The following CEP350 variants were observed in gnomAD, a reference collection of about 807,000 sequenced individuals.
CEP350 encodes centrosome-associated protein 350.
A neutral mutation model predicts 331.8 loss-of-function variants in CEP350; 126 were observed. The observed-to-expected ratio is 0.38, with a 90% confidence interval of 0.33 to 0.44. CEP350 has a LOEUF of 0.44. Among genes scored for constraint, CEP350 ranks in the 20% least tolerant of loss-of-function variants. The pLI is 1.00. For missense variants in CEP350, 3,406 were observed against 3,634.6 expected (o/e 0.94, Z 1.62); for synonymous variants, 1,200 against 1,259.5 (o/e 0.95, Z 1.00).
intron 32 of CEP350, among the ~76,000 whole-genome samples, chr1:180,088,238 G>A (rs1384690923): frequency 1.3e-5 from 2 of 152,116 alleles, no homozygotes; most frequent in Non-Finnish European, 2.9e-5. Context: ...TGCAAGCGAT[G>A]TAATAGTATG....
chr1:179,958,820 A>C (rs548859091), intron 1 of CEP350, among the ~76,000 whole-genome samples: 4 of 152,358 alleles, frequency 2.6e-5, no homozygotes, highest in South Asian at 4.1e-4. Context: ...AAGTGAAAAA[A>C]TAAGTTGCAC....
intron 22 of CEP350, chr1:180,052,190 G>A: frequency 6.6e-6 from 3 of 453,914 alleles, no homozygotes; most frequent in Admixed American, 2.4e-5. Flanking sequence ...GACAACTAGT[G>A]CCTACAAATT....
Position 179,991,707 on chromosome 1 carries a change from GTATATATA to G in CEP350, c.236-344_236-337del, listed in dbSNP as rs756278179. Among the ~76,000 whole-genome samples the G allele has an allele frequency of 2.1e-3, 201 of 96,966 alleles. 2 individuals carry two copies. The highest frequency in any genetic ancestry group is 7.2e-3 in the African/African-American group (188 of 26,276). The allele number at this position is 96,966 out of a possible 152,430, so 63.6% of individuals were successfully genotyped here. A position where few individuals can be genotyped will look rare whatever the true frequency, so the allele number is the denominator to read the frequency against. On this transcript the variant is annotated intron_variant, in intron 4 of 37. Transcript: ENST00000367607. ...TGTGTGTGTGTGTGTGTGTGTGTGT[GTATATATA>G]TATATATATACATTTTTTTTTAACC...
intron 1 of CEP350, among the ~76,000 whole-genome samples, chr1:179,982,654 A>G (rs1479521910): frequency 6.6e-6 from 1 of 152,152 alleles, no homozygotes; most frequent in East Asian, 1.9e-4. Flanking sequence ...TTCAGCACTT[A>G]TTTTAGTTTT....
Position 180,092,892 on chromosome 1 carries a change from T to A in CEP350, c.6787T>A (p.Tyr2263Asn), listed in dbSNP as rs765094355. 9 of 1,569,192 alleles carry A rather than the reference T, an allele frequency of 5.7e-6. 1 individual carries two copies. In the South Asian group the frequency reaches 1.1e-4, roughly 18 times the overall value. The change falls in exon 34 of 38, where the codon TAT (tyrosine) becomes AAT (asparagine). Residue 2263 changes from tyrosine (Y) to asparagine (N), a missense_variant. By Grantham distance (143) the Tyr-to-Asn change is moderately radical. Coordinates refer to ENST00000367607, the MANE Select transcript of CEP350 (RefSeq NM_014810.5). ...SKKSEIKEIEYTKLKKSKIED... is the reference protein window; with the variant it reads ...SKKSEIKEIENTKLKKSKIED... Reference sequence around the variant, plus strand: ...AAAATCAGAAATAAAAGAAATAGAGTATACAAAATTGAAGAAGAGTAAGAT... The same window carrying A: ...AAAATCAGAAATAAAAGAAATAGAGAATACAAAATTGAAGAAGAGTAAGAT...
At chr1:180,092,058 G>A (rs941702174) in intron 33 of CEP350, among the ~76,000 whole-genome samples, 1 of 146,222 alleles carries the variant, frequency 6.8e-6, no homozygotes, top group Non-Finnish European at 1.5e-5. Flanking sequence ...AAAAAAAAAC[G>A]ATTTGAATTT....
Position 180,043,197 on chromosome 1 carries a change from A to G in CEP350, c.4499+5A>G. 1 of 1,604,548 alleles carries G rather than the reference A, an allele frequency of 6.2e-7. No individual in the cohort carries two copies. The highest frequency in any genetic ancestry group is 8.5e-7 in the Non-Finnish European group (1 of 1,176,336). ...GACCAGAACTGAAACAGATAGGTTAATATTCATTCAGTCAGCAAATATATA... is the reference window on the plus strand; with the variant it reads ...GACCAGAACTGAAACAGATAGGTTAGTATTCATTCAGTCAGCAAATATATA... On this transcript the variant is annotated splice_donor_5th_base_variant and intron_variant, in intron 20 of 37. Transcript: ENST00000367607.
chr1:180,016,562 A>G (rs961873847), intron 11 of CEP350, among the ~76,000 whole-genome samples: 9 of 152,120 alleles, frequency 5.9e-5, no homozygotes, highest in Admixed American at 3.3e-4. Flanking sequence ...GTTATAAATT[A>G]TACTTTGTAA....
chr1:180,090,559 A>AAAAAAAAAAAAGAG, intron 32 of CEP350, among the ~76,000 whole-genome samples, 155 bp from the exon 33 acceptor site: 4 of 123,676 alleles, frequency 3.2e-5, no homozygotes, highest in African/African-American at 1.1e-4. Flanking sequence ...AAAAAAAAAA[A>AAAAAAAAAAAAGAG]AAAAAAAAAA....
intron 8 of CEP350, among the ~76,000 whole-genome samples, chr1:180,009,546 T>G (rs1008530350): frequency 2.6e-5 from 4 of 152,204 alleles, no homozygotes; most frequent in African/African-American, 9.6e-5. Context: ...GAAATTCCTT[T>G]TTTTTTAACC....
chr1:180,103,726 C>G (rs1009511038), intron 37 of CEP350, among the ~76,000 whole-genome samples: 4 of 151,936 alleles, frequency 2.6e-5, no homozygotes, highest in Admixed American at 1.3e-4. Context: ...TTAAAAGATG[C>G]TTCTTCCAGC....
intron 6 of CEP350, among the ~76,000 whole-genome samples, chr1:179,999,655 T>A (rs933812836): frequency 6.6e-6 from 1 of 152,200 alleles, no homozygotes; most frequent in Admixed American, 6.5e-5. Flanking sequence ...CTGTCACTCT[T>A]GTGCTTGGCC....
chr1:180,089,059 A>G (rs981049258), intron 32 of CEP350, among the ~76,000 whole-genome samples: 5 of 152,188 alleles, frequency 3.3e-5, no homozygotes, highest in Admixed American at 1.3e-4. Context: ...TAATTTCTAC[A>G]TGATATGCTA....
intron 27 of CEP350, among the ~76,000 whole-genome samples, chr1:180,067,010 C>T (rs1469108026): frequency 6.6e-6 from 1 of 152,140 alleles, no homozygotes; most frequent in Non-Finnish European, 1.5e-5. Context: ...GAATGATATC[C>T]TAATTTAACC....
intron 13 of CEP350, among the ~76,000 whole-genome samples, chr1:180,023,112 T>C (rs767145990): frequency 6.6e-6 from 1 of 152,046 alleles, no homozygotes; most frequent in African/African-American, 2.4e-5. Flanking sequence ...AATGGGGACA[T>C]TAATAGTACC....
rs1334312441 is a variant in CEP350 at position 180,041,628 on chromosome 1, C to T, written c.4222-34C>T. The T allele has an allele frequency of 1.9e-6, 3 of 1,581,660 alleles. No homozygotes were observed. The Admixed American group carries it at 5.4e-5, about 29-fold the overall frequency. On this transcript the variant is annotated intron_variant, in intron 18 of 37. Transcript: ENST00000367607. The stretch of plus-strand genomic sequence containing the variant: ...AATTCAGGAGGAGGGGAGATTAAAA[C>T]ATAACTTCTTTTTTAAACCCCTTTT...
chr1:179,972,526 AG>A (rs1282137581), intron 1 of CEP350, among the ~76,000 whole-genome samples: 2 of 151,200 alleles, frequency 1.3e-5, no homozygotes, highest in Non-Finnish European at 3.0e-5. Flanking sequence ...ATTTTTTGAG[AG>A]GGAGTCTTGC....
intron 1 of CEP350, among the ~76,000 whole-genome samples, chr1:179,959,255 G>A (rs1355884655): frequency 1.3e-5 from 2 of 152,188 alleles, no homozygotes; most frequent in African/African-American, 2.4e-5. Context: ...TCAGGAGTTC[G>A]AGACCGGCCT....
chr1:179,958,026 A>G (rs1264697600), intron 1 of CEP350, among the ~76,000 whole-genome samples: 3 of 152,122 alleles, frequency 2.0e-5, no homozygotes, highest in African/African-American at 2.4e-5. Flanking sequence ...AGTTGATTTC[A>G]TAACTGGGAG....
Sources: allele counts gnomAD v4.1 joint callset (sites outside exome capture counted in the v4.1 genomes callset), GRCh38; gene constraint gnomAD v4.1.1; transcripts MANE v1.5; gene names NCBI Gene and HGNC (gene_info 2026-07-23, HGNC 2026-07-21).